LTBP1: variants seen among roughly 807,000 people sequenced by gnomAD.
LTBP1 encodes latent transforming growth factor beta binding protein 1.
In LTBP1, 129 loss-of-function variants were observed where a neutral mutation model predicts 207.6. That is an observed-to-expected ratio of 0.62 (90% CI 0.54 to 0.72). The LOEUF is 0.72. LTBP1 is among the 30% of genes least tolerant of loss of function. The probability of loss-of-function intolerance (pLI) is 0.00; values close to 1 mark genes in which losing one functional copy is unlikely to be tolerated. For synonymous variants in LTBP1, 963 were observed against 833.7 expected (o/e 1.16, Z -2.67); for missense variants, 2,281 against 2,217.2 (o/e 1.03, Z -0.58).
chr2:32,982,654 T>A (rs978360254), intron 2 of LTBP1, among the ~76,000 whole-genome samples: 1 of 152,166 alleles, frequency 6.6e-6, no homozygotes, highest in South Asian at 2.1e-4. Context: ...AAGGACTTGG[T>A]GCCTTGAGCT....
At chr2:33,334,777 ATAATT>A (rs904998078) in intron 24 of LTBP1, among the ~76,000 whole-genome samples, 9 of 152,194 alleles carry the variant, frequency 5.9e-5, no homozygotes, top group Admixed American at 2.0e-4. Context: ...TTTTTACAGA[ATAATT>A]TAAGTAGGCT....
intron 2 of LTBP1, among the ~76,000 whole-genome samples, chr2:32,974,061 T>C (rs187042473): frequency 1.3e-5 from 2 of 152,366 alleles, no homozygotes; most frequent in African/African-American, 4.8e-5. Context: ...GCTTCAAACA[T>C]AGGAGTGCAA....
intron 31 of LTBP1, among the ~76,000 whole-genome samples, chr2:33,375,833 C>T (rs573821531): frequency 4.0e-5 from 6 of 151,812 alleles, no homozygotes; most frequent in South Asian, 2.1e-4. Context: ...TCAGCCACTG[C>T]GCCCGGCCTA....
intron 2 of LTBP1, among the ~76,000 whole-genome samples, chr2:32,980,334 TTGAGGTAACTA>T (rs1211075084): frequency 6.6e-6 from 1 of 152,150 alleles, no homozygotes; most frequent in Non-Finnish European, 1.5e-5. Context: ...GTTTTTAGAT[TTGAGGTAACTA>T]TGAGGCTTGC....
chr2:33,193,354 C>A (rs2088135584), intron 7 of LTBP1, among the ~76,000 whole-genome samples: 1 of 152,142 alleles, frequency 6.6e-6, no homozygotes, highest in Non-Finnish European at 1.5e-5. Flanking sequence ...GTTGCCCAGG[C>A]TGGTTTAGAA....
At chr2:32,979,289 GTTGT>G (rs769159649) in intron 2 of LTBP1, among the ~76,000 whole-genome samples, 16 of 151,666 alleles carry the variant, frequency 1.1e-4, no homozygotes, top group Non-Finnish European at 2.1e-4. Context: ...GCAGCATTAG[GTTGT>G]TTATTTAAAG....
At chr2:33,221,618 T>A (rs143273762) in intron 8 of LTBP1, among the ~76,000 whole-genome samples, 26 of 152,308 alleles carry the variant, frequency 1.7e-4, no homozygotes, top group African/African-American at 6.0e-4. Context: ...GATGAGTGTA[T>A]AATTTATTGT....
chr2:33,065,875 A>G (rs1168743979), intron 3 of LTBP1, among the ~76,000 whole-genome samples: 1 of 152,158 alleles, frequency 6.6e-6, no homozygotes, highest in Non-Finnish European at 1.5e-5. Context: ...ACTTCGCTAG[A>G]TATAGGATTA....
At chr2:33,021,280 G>A in intron 3 of LTBP1, 74 bp downstream of exon 3, 1 of 1,357,772 alleles carries the variant, frequency 7.4e-7, no homozygotes. Flanking sequence ...TTAAATCACT[G>A]TCCCTTTCCT....
intron 3 of LTBP1, among the ~76,000 whole-genome samples, chr2:33,021,864 C>T (rs559508385): frequency 6.6e-5 from 10 of 152,232 alleles, no homozygotes; most frequent in South Asian, 4.1e-4. Context: ...AAGATTACCC[C>T]GTTCTCTGAG....
At chr2:33,016,874 T>C (rs1425667107) in intron 2 of LTBP1, among the ~76,000 whole-genome samples, 4 of 151,970 alleles carry the variant, frequency 2.6e-5, no homozygotes, top group African/African-American at 9.7e-5. Flanking sequence ...AATACAAAAA[T>C]TAGCTGGGCA....
intron 32 of LTBP1, among the ~76,000 whole-genome samples, chr2:33,390,936 C>T (rs2095309628): frequency 6.6e-6 from 1 of 152,152 alleles, no homozygotes; most frequent in Admixed American, 6.5e-5. Context: ...GGGGCAACAG[C>T]ATGAGATTTC....
intron 5 of LTBP1, among the ~76,000 whole-genome samples, chr2:33,151,375 G>T (rs1401615744): frequency 6.6e-6 from 1 of 152,122 alleles, no homozygotes. Context: ...CCAGCAGTGT[G>T]TGAGGGTTCC....
chr2:32,969,229 TTGTG>T (rs201873946), intron 2 of LTBP1, among the ~76,000 whole-genome samples: 8,674 of 131,536 alleles, frequency 0.066, 325 homozygotes, highest in African/African-American at 0.087. Flanking sequence ...CCTGGCCAAT[TTGTG>T]TGTGTGTGTG....
At chr2:33,203,931 G>T (rs961004316) in intron 7 of LTBP1, among the ~76,000 whole-genome samples, 1 of 152,084 alleles carries the variant, frequency 6.6e-6, no homozygotes, top group Non-Finnish European at 1.5e-5. Context: ...GTTGATTTTG[G>T]CTCTATACAT....
At chr2:33,137,403 ACT>A (rs1298579853) in intron 5 of LTBP1, among the ~76,000 whole-genome samples, 1 of 152,078 alleles carries the variant, frequency 6.6e-6, no homozygotes, top group Non-Finnish European at 1.5e-5. Context: ...GGGCTGGCAA[ACT>A]CTTTTTGTAA....
At chr2:33,138,109 G>T (rs201092662) in intron 5 of LTBP1, among the ~76,000 whole-genome samples, 10 of 152,156 alleles carry the variant, frequency 6.6e-5, no homozygotes, top group African/African-American at 2.4e-4. Flanking sequence ...TTACAGGCTT[G>T]TGGGATAATT....
At chr2:33,269,433 C>G (rs563987909) in intron 15 of LTBP1, among the ~76,000 whole-genome samples, 6 of 152,268 alleles carry the variant, frequency 3.9e-5, no homozygotes, top group African/African-American at 1.4e-4. Flanking sequence ...TAGGGCTGTC[C>G]TGTGAACCAG....
At chr2:33,341,946 C>G (rs1262768894) in intron 24 of LTBP1, among the ~76,000 whole-genome samples, 1 of 151,936 alleles carries the variant, frequency 6.6e-6, no homozygotes, top group Non-Finnish European at 1.5e-5. Flanking sequence ...TTAATTGTTT[C>G]TCCAAAAACT....
Sources: gnomAD v4.1 joint callset for allele counts (sites outside exome capture counted in the v4.1 genomes callset) on GRCh38, gnomAD v4.1.1 for gene constraint, MANE v1.5 for transcripts, NCBI Gene and HGNC (gene_info 2026-07-23, HGNC 2026-07-21) for gene names.